RET: variants seen among roughly 807,000 people sequenced by gnomAD.
RET encodes proto-oncogene tyrosine-protein kinase receptor Ret.
Under a neutral mutation model 118.3 loss-of-function variants are expected in RET, and 19 were observed. That is an observed-to-expected ratio of 0.16 (90% confidence interval 0.11 to 0.24). The LOEUF (loss-of-function observed/expected upper bound fraction) is 0.24, where lower values mean the gene tolerates loss of function less well. Ranked by LOEUF, RET falls within the 10% of genes least tolerant of loss-of-function variation. The pLI, the probability that RET is intolerant of heterozygous loss-of-function variation, is 1.00. For missense variants in RET, 1,219 were observed against 1,502.1 expected, an observed-to-expected ratio of 0.81 and a Z score of 3.12; for synonymous variants, 597 against 644.1, an observed-to-expected ratio of 0.93 and a Z score of 1.11.
intron 1 of RET, among the ~76,000 whole-genome samples, chr10:43,089,211 G>A (rs1837359171): frequency 6.6e-6 from 1 of 152,212 alleles, no homozygotes; most frequent in African/African-American, 2.4e-5. Flanking sequence ...CTGACCTCAG[G>A]GAGGGTGCAC....
At chr10:43,122,694 A>G (rs879523559) in intron 16 of RET, among the ~76,000 whole-genome samples, 1 of 151,776 alleles carries the variant, frequency 6.6e-6, no homozygotes, top group Non-Finnish European at 1.5e-5. Context: ...TGCAACCTCC[A>G]CCTCCTGGGT....
In RET at chr10:43,111,186, T is replaced by C. The variant is rs746562393; in HGVS notation, c.1264-21T>C. 22 of 1,612,978 alleles carry C rather than the reference T, an allele frequency of 1.4e-5. No homozygotes were observed. In the East Asian group the frequency reaches 4.9e-4, roughly 36 times the overall value. On this transcript the variant is annotated intron_variant, in intron 6 of 19. Coordinates refer to ENST00000355710, the MANE Select transcript of RET (RefSeq NM_020975.6). ...GGCCGGTCCAGCTGCCTGGCTAAGGTGTTCCCCTGTGCCCCCCTAGATCGG... is the reference window on the plus strand; with the variant it reads ...GGCCGGTCCAGCTGCCTGGCTAAGGCGTTCCCCTGTGCCCCCCTAGATCGG...
intron 1 of RET, among the ~76,000 whole-genome samples, chr10:43,098,610 C>T (rs1452323825): frequency 1.3e-5 from 2 of 152,010 alleles, no homozygotes; most frequent in Non-Finnish European, 2.9e-5. Flanking sequence ...TTAGTAGAGA[C>T]GGGGTTTCAC....
rs1356436038 is a variant in RET, at chr10:43,111,222, G to A, written c.1279G>A (p.Val427Met). ...GCCCCCCTAGATCGGGAAAGTCTGT[G>A]TGGAAAACTGCCAGGCATTCAGTGG... ...RRFAQIGKVCVENCQAFSGIN... is the reference protein window; with the variant it reads ...RRFAQIGKVCMENCQAFSGIN... Residue 427 changes from valine to methionine, a missense_variant, in exon 7 of 20, where the codon GTG becomes ATG. Transcript: ENST00000355710. 6.2e-7 allele frequency: 1 copy of A among 1,614,038 alleles called. No homozygotes were observed. Among genetic ancestry groups the A allele is most frequent in the South Asian group, 1.1e-5 (1 of 91,088 alleles).
intron 6 of RET, 86 bp from the exon 7 acceptor site, chr10:43,111,121 A>T: frequency 6.3e-7 from 1 of 1,590,686 alleles, no homozygotes; most frequent in Admixed American, 1.7e-5. Context: ...CTGTTCCAGG[A>T]CTTAGGCTGT....
At chr10:43,097,605 A>G (rs138995070) in intron 1 of RET, among the ~76,000 whole-genome samples, 180 of 152,200 alleles carry the variant, frequency 1.2e-3, no homozygotes, top group African/African-American at 4.0e-3. Context: ...ATGAGTTACA[A>G]TCTCTCACCC....
intron 3 of RET, among the ~76,000 whole-genome samples, chr10:43,102,997 G>A (rs180694546): frequency 1.4e-5 from 2 of 142,300 alleles, no homozygotes; most frequent in African/African-American, 2.5e-5. Context: ...TTCCTCTATC[G>A]TAAATTGGGT....
chr10:43,077,278 G>A lies in RET; in HGVS notation c.20G>A (p.Gly7Asp), dbSNP rs1366681125. MAKATS[G>D]AAGLRLLLLL... ...CGGGCGATGGCGAAGGCGACGTCCG[G>A]TGCCGCGGGGCTGCGTCTGCTGTTG... Residue 7 changes from glycine to aspartate, a missense_variant, in exon 1 of 20, where the codon GGT (glycine) becomes GAT (aspartate). By Grantham distance (94) the Gly-to-Asp change is moderately conservative. Around this residue, in one of 5 missense-constraint regions of RET, gnomAD observed 38 missense variants for 33.1 expected, o/e 1.15. Coordinates refer to ENST00000355710, the MANE Select transcript of RET (RefSeq NM_020975.6). 3.2e-5 allele frequency: 48 copies of A among 1,507,194 alleles called. No homozygotes were observed. Among genetic ancestry groups the A allele is most frequent in the Middle Eastern group, 3.8e-4 (2 of 5,322 alleles). The allele number at this position is 1,507,194 out of a possible 1,614,324, so 93.4% of individuals were successfully genotyped here.
intron 6 of RET, among the ~76,000 whole-genome samples, 163 bp downstream of exon 6, chr10:43,109,393 C>G (rs895519082): frequency 1.3e-5 from 2 of 152,096 alleles, no homozygotes; most frequent in Non-Finnish European, 2.9e-5. Context: ...ACAGAAGAGG[C>G]CTGGGAGAGC....
intron 12 of RET, 52 bp downstream of exon 12, chr10:43,116,783 G>GCCTCACCCGCCCCCCC: frequency 9.1e-7 from 1 of 1,100,148 alleles, no homozygotes; most frequent in Non-Finnish European, 1.4e-6. Flanking sequence ...CGGGGCGGGG[G>GCCTCACCCGCCCCCCC]GCGGGTGAGG....
intron 12 of RET, 34 bp from the exon 13 acceptor site, chr10:43,118,339 G>T (rs567684697): frequency 5.8e-6 from 9 of 1,562,958 alleles, no homozygotes; most frequent in South Asian, 1.1e-5. Context: ...TTCCAGGAGC[G>T]ATCGTTTGCA....
Position 43,129,902 on chromosome 10 carries a change from G to T in RET, c.*1633G>T, listed in dbSNP as rs1180142337. On this transcript the variant is annotated 3_prime_UTR_variant, in exon 20 of 20. Transcript: ENST00000355710. ...TCTTTTACAAATATCTATAGACATG[G>T]TAAACTTTTGGTTTTCAGATATGCT... The T allele has an allele frequency of 1.0e-5, 4 of 398,800 alleles. No homozygotes were observed. The highest frequency in any genetic ancestry group is 8.2e-5 in the African/African-American group (4 of 48,602). 24.7% of individuals were successfully genotyped at this position (398,800 alleles called of 1,614,324 possible).
chr10:43,117,664 C>T (rs982349099), intron 12 of RET, among the ~76,000 whole-genome samples: 3 of 152,188 alleles, frequency 2.0e-5, no homozygotes, highest in African/African-American at 4.8e-5. Context: ...ACCATCGGGA[C>T]GCATGTGCTG....
In RET at chr10:43,077,974, G is replaced by C. The variant is rs368558344; in HGVS notation, c.73+643G>C. Among the ~76,000 whole-genome samples, 26 of 152,366 alleles carry C rather than the reference G, an allele frequency of 1.7e-4. No individual in the cohort carries two copies. In the East Asian group the frequency reaches 4.8e-3, roughly 28 times the overall value. ...ATAGGCGTCCCACCCGGCAGCCCTG[G>C]AGTCGTGTGGCGCTGCCTGGCAGAG... On this transcript the variant is annotated intron_variant, in intron 1 of 19. Transcript: ENST00000355710.
Position 43,102,350 on chromosome 10 carries a change from T to G in RET, c.346T>G (p.Phe116Val). The change falls in exon 3 of 20, where the codon TTT becomes GTT. Residue 116 changes from phenylalanine (F) to valine (V), a missense_variant. Transcript: ENST00000355710. ...CTGACTTCTCTCTGCAGACCGCGGC[T>G]TTCCCCTGCTCACCGTCTACCTCAA... ...WEKLSVRNRGFPLLTVYLKVF... is the reference protein window; with the variant it reads ...WEKLSVRNRGVPLLTVYLKVF... 6.2e-7 allele frequency: 1 copy of G among 1,614,068 alleles called. No homozygotes were observed. Among genetic ancestry groups the G allele is most frequent in the Non-Finnish European group, 8.5e-7 (1 of 1,180,032 alleles).
At chr10:43,109,913 T>G (rs1837876610) in intron 6 of RET, among the ~76,000 whole-genome samples, 1 of 152,226 alleles carries the variant, frequency 6.6e-6, no homozygotes, top group African/African-American at 2.4e-5. Flanking sequence ...TAAGTTGACT[T>G]GAAACTGCAG....
Position 43,077,073 on chromosome 10 carries a change from C to A in RET, c.-186C>A. On this transcript the variant is annotated 5_prime_UTR_variant, in exon 1 of 20. Coordinates refer to ENST00000355710, the MANE Select transcript of RET (RefSeq NM_020975.6). ...AGCCGGCGCTTACCTCGCTTCAGTCCCGCGACCGAAGCAGGGCGCGCAGCA... is the reference window on the plus strand; with the variant it reads ...AGCCGGCGCTTACCTCGCTTCAGTCACGCGACCGAAGCAGGGCGCGCAGCA... 1.1e-6 allele frequency: 1 copy of A among 927,978 alleles called. No homozygotes were observed. Among genetic ancestry groups the A allele is most frequent in the Non-Finnish European group, 1.4e-6 (1 of 703,186 alleles). 57.5% of individuals were successfully genotyped at this position (927,978 alleles called of 1,614,324 possible). A position where few individuals can be genotyped will look rare whatever the true frequency, so the allele number is the denominator to read the frequency against.
In RET at chr10:43,102,325, C is replaced by T. The variant is rs2132677046; in HGVS notation, c.338-17C>T. The T allele has an allele frequency of 6.2e-7, 1 of 1,613,310 alleles. No homozygotes were observed. Among genetic ancestry groups the T allele is most frequent in the South Asian group, 1.1e-5 (1 of 91,092 alleles). Reference sequence around the variant, plus strand: ...AGATGTGGCCGATGCCCCCACAGACCTGACTTCTCTCTGCAGACCGCGGCT... The same window carrying T: ...AGATGTGGCCGATGCCCCCACAGACTTGACTTCTCTCTGCAGACCGCGGCT... On this transcript the variant is annotated splice_polypyrimidine_tract_variant and intron_variant, in intron 2 of 19. Coordinates refer to ENST00000355710, the MANE Select transcript of RET (RefSeq NM_020975.6).
chr10:43,099,547 A>AATAAATAC (rs1564489020), intron 1 of RET, among the ~76,000 whole-genome samples: 2 of 151,734 alleles, frequency 1.3e-5, no homozygotes, highest in Non-Finnish European at 2.9e-5. Flanking sequence ...TAAATAAATA[A>AATAAATAC]ATAAATAAAT....
Sources: allele counts gnomAD v4.1 joint callset (sites outside exome capture counted in the v4.1 genomes callset), GRCh38; gene constraint gnomAD v4.1.1; regional missense constraint gnomAD v4.1.1; transcripts MANE v1.5; gene names NCBI Gene and HGNC (gene_info 2026-07-23, HGNC 2026-07-21).